GRM8: variants seen among roughly 807,000 people sequenced by gnomAD.
The protein encoded by GRM8 is glutamate metabotropic receptor 8, also known as metabotropic glutamate receptor 8.
Under a neutral mutation model 87.2 loss-of-function variants are expected in GRM8, and 47 were observed. That is an observed-to-expected ratio of 0.54 (90% CI 0.43 to 0.69). GRM8 has a LOEUF of 0.69. Among genes scored for constraint, GRM8 ranks in the 30% least tolerant of loss-of-function variants. The probability of loss-of-function intolerance (pLI) is 0.00; values close to 1 mark genes in which losing one functional copy is unlikely to be tolerated. For synonymous variants in GRM8, 396 were observed against 404.5 expected (o/e 0.98, Z 0.25); for missense variants, 1,019 against 1,139.2 (o/e 0.89, Z 1.52).
intron 9 of GRM8, among the ~76,000 whole-genome samples, chr7:126,516,072 A>G (rs921265960): frequency 6.6e-6 from 1 of 152,034 alleles, no homozygotes; most frequent in African/African-American, 2.4e-5. Context: ...GAATTTTATT[A>G]AATTCTTATA....
intron 1 of GRM8, 122 bp from the exon 2 acceptor site, chr7:127,243,637 T>TAA: frequency 6.2e-6 from 1 of 160,966 alleles, no homozygotes; most frequent in Non-Finnish European, 1.4e-5. Context: ...CTAATTCTTT[T>TAA]TGTCCCCCTG....
chr7:126,471,758 T>C (rs1250099619), intron 9 of GRM8, among the ~76,000 whole-genome samples: 3 of 151,930 alleles, frequency 2.0e-5, no homozygotes, highest in African/African-American at 4.8e-5. Context: ...GGGGATGGCA[T>C]TGAATCTATA....
chr7:126,483,012 G>A (rs1052420179), intron 9 of GRM8, among the ~76,000 whole-genome samples: 1 of 149,936 alleles, frequency 6.7e-6, no homozygotes, highest in African/African-American at 2.4e-5. Context: ...TCTTATCCAA[G>A]ATGTTTATGT....
At chr7:126,510,816 C>A (rs1300426146) in intron 9 of GRM8, among the ~76,000 whole-genome samples, 1 of 152,100 alleles carries the variant, frequency 6.6e-6, no homozygotes, top group African/African-American at 2.4e-5. Context: ...GCACATATTC[C>A]TTCACTGCCC....
At chr7:126,464,139 C>T (rs1305386473) in intron 9 of GRM8, among the ~76,000 whole-genome samples, 2 of 151,586 alleles carry the variant, frequency 1.3e-5, no homozygotes, top group Non-Finnish European at 3.0e-5. Flanking sequence ...TTAGCTCCTC[C>T]ATTACATATT....
intron 6 of GRM8, among the ~76,000 whole-genome samples, chr7:126,775,479 GTTT>G (rs372733476): frequency 2.6e-4 from 27 of 104,752 alleles, no homozygotes; most frequent in African/African-American, 1.1e-3. Flanking sequence ...TGACAAATAG[GTTT>G]TTTTTTTTTT....
chr7:126,599,525 G>T (rs1034565802), intron 8 of GRM8, among the ~76,000 whole-genome samples: 4 of 152,068 alleles, frequency 2.6e-5, no homozygotes, highest in Non-Finnish European at 5.9e-5. Context: ...AAGCCAAGTA[G>T]AACAGGTTCC....
rs564860525 is a variant in GRM8, at chr7:126,752,312, A to T, written c.1357+17553T>A. On this transcript the variant is annotated intron_variant, in intron 7 of 10. Transcript: ENST00000339582. Reference sequence around the variant, plus strand: ...CAAAGCAAGACCAAGTCTCTAAAAAAAAATGACTATGAAAATTAATTAACA... The same window carrying T: ...CAAAGCAAGACCAAGTCTCTAAAAATAAATGACTATGAAAATTAATTAACA... Among the ~76,000 whole-genome samples, 7 of 152,230 alleles carry T rather than the reference A, an allele frequency of 4.6e-5. No individual in the cohort carries two copies. The South Asian group carries it at 1.5e-3, about 32-fold the overall frequency.
At chr7:126,902,337 C>T (rs1325661052) in intron 6 of GRM8, among the ~76,000 whole-genome samples, 1 of 152,154 alleles carries the variant, frequency 6.6e-6, no homozygotes, top group Non-Finnish European at 1.5e-5. Flanking sequence ...TCAATAAAAA[C>T]TTGCTGATCC....
intron 8 of GRM8, among the ~76,000 whole-genome samples, chr7:126,536,976 T>G (rs922394994): frequency 6.6e-6 from 1 of 152,110 alleles, no homozygotes; most frequent in Non-Finnish European, 1.5e-5. Flanking sequence ...CAGAACAACA[T>G]AAGATGTGTT....
intron 2 of GRM8, among the ~76,000 whole-genome samples, chr7:127,124,667 G>GA (rs368489849): frequency 2.8e-4 from 43 of 152,162 alleles, no homozygotes; most frequent in African/African-American, 8.2e-4. Context: ...CTACCAATTG[G>GA]ATAATGAACC....
chr7:127,213,704 C>G (rs1297590554), intron 2 of GRM8, among the ~76,000 whole-genome samples: 2 of 152,138 alleles, frequency 1.3e-5, no homozygotes, highest in African/African-American at 4.8e-5. Context: ...TCTTTCTTCA[C>G]TAGGTCTAAT....
chr7:126,652,608 C>A (rs1804031601), intron 7 of GRM8, among the ~76,000 whole-genome samples: 1 of 152,176 alleles, frequency 6.6e-6, no homozygotes, highest in African/African-American at 2.4e-5. Flanking sequence ...AAAGACTAGA[C>A]TGGCTTAGCC....
intron 2 of GRM8, among the ~76,000 whole-genome samples, chr7:127,233,640 C>G (rs17866104): frequency 0.014 from 2,094 of 152,264 alleles, 52 homozygotes; most frequent in African/African-American, 0.047. Context: ...GCAGGAGATA[C>G]AGAGACAGAT....
At chr7:127,241,795 C>T (rs1365279083) in intron 2 of GRM8, among the ~76,000 whole-genome samples, 1 of 152,154 alleles carries the variant, frequency 6.6e-6, no homozygotes, top group Non-Finnish European at 1.5e-5. Flanking sequence ...TTGAAAAATT[C>T]ATGTCCCCCT....
intron 3 of GRM8, among the ~76,000 whole-genome samples, chr7:127,104,873 A>C (rs985358195): frequency 4.6e-5 from 7 of 152,234 alleles, no homozygotes; most frequent in Admixed American, 2.0e-4. Flanking sequence ...CTGTGGTTTC[A>C]CTTAACTTTT....
intron 2 of GRM8, among the ~76,000 whole-genome samples, chr7:127,149,234 CAAAT>C (rs1483789213): frequency 6.6e-6 from 1 of 151,598 alleles, no homozygotes; most frequent in African/African-American, 2.4e-5. Context: ...TAGTAGAAAA[CAAAT>C]AACTCAATTT....
intron 3 of GRM8, among the ~76,000 whole-genome samples, chr7:127,003,270 G>T (rs1243293617): frequency 6.6e-6 from 1 of 151,766 alleles, no homozygotes; most frequent in Admixed American, 6.6e-5. Flanking sequence ...TTAAATACAA[G>T]TGGCATTGAT....
chr7:127,111,517 T>C (rs1480932874), intron 2 of GRM8, among the ~76,000 whole-genome samples: 1 of 152,074 alleles, frequency 6.6e-6, no homozygotes, highest in East Asian at 1.9e-4. Flanking sequence ...TTCATGATCC[T>C]CCCTCTTTCT....
Sources: gnomAD v4.1 joint callset for allele counts (sites outside exome capture counted in the v4.1 genomes callset) on GRCh38, gnomAD v4.1.1 for gene constraint, MANE v1.5 for transcripts, NCBI Gene and HGNC (gene_info 2026-07-23, HGNC 2026-07-21) for gene names.